The following PDE4D variants were observed in gnomAD, a reference collection of about 807,000 sequenced individuals.
The protein encoded by PDE4D is phosphodiesterase 4D, also known as 3',5'-cyclic-AMP phosphodiesterase 4D.
Under a neutral mutation model 87.4 loss-of-function variants are expected in PDE4D, and 24 were observed. The ratio of observed to expected loss-of-function variants is 0.27; its 90% CI spans 0.20 to 0.39. The LOEUF (loss-of-function observed/expected upper bound fraction) is 0.39. PDE4D is among the 10% of genes least tolerant of loss of function. PDE4D has a pLI of 1.00. For synonymous variants in PDE4D, 384 were observed against 383.2 expected, an observed-to-expected ratio of 1.00 and a Z score of -0.02; for missense variants, 714 against 1,041.0, an observed-to-expected ratio of 0.69 and a Z score of 4.32.
chr5:60,407,151 GGGT>G lies in PDE4D; in HGVS notation c.-90+80788_-90+80790del, dbSNP rs1365756646. Among the ~76,000 whole-genome samples, 5 of 152,288 alleles carry G rather than the reference GGGT, an allele frequency of 3.3e-5. No homozygotes were observed. The East Asian group carries it at 9.7e-4, about 29-fold the overall frequency. On this transcript the variant is annotated intron_variant, in intron 1 of 16. Coordinates refer to the PDE4D transcript ENST00000502484. Reference sequence around the variant, plus strand: ...GATGAGGAGCTGCTTGGTGACAAGAGGGTCGTTGAGTACCTGAGAGTACCTTTA... The same window carrying G: ...GATGAGGAGCTGCTTGGTGACAAGAGCGTTGAGTACCTGAGAGTACCTTTA...
chr5:59,832,688 C>T (rs758881263), intron 1 of PDE4D, among the ~76,000 whole-genome samples: 5 of 152,026 alleles, frequency 3.3e-5, no homozygotes, highest in Non-Finnish European at 2.9e-5. Flanking sequence ...AAGGCAACTT[C>T]TAATCTCATT....
chr5:59,566,581 TGTGA>T (rs1240917372), intron 1 of PDE4D, among the ~76,000 whole-genome samples: 30 of 145,284 alleles, frequency 2.1e-4, no homozygotes, highest in African/African-American at 7.5e-4. Flanking sequence ...TGTGTGTGTG[TGTGA>T]GAGAATGAGA....
chr5:59,407,460 G>A (rs1582441164), intron 1 of PDE4D, among the ~76,000 whole-genome samples: 1 of 152,132 alleles, frequency 6.6e-6, no homozygotes, highest in East Asian at 1.9e-4. Flanking sequence ...TAGAAGACTG[G>A]TACCAAGGAG....
intron 1 of PDE4D, among the ~76,000 whole-genome samples, chr5:59,696,612 GTTATAC>G (rs1318480978): frequency 1.2e-4 from 19 of 152,276 alleles, no homozygotes; most frequent in African/African-American, 3.6e-4. Flanking sequence ...AATGATCTGA[GTTATAC>G]TTTAACACAT....
At chr5:60,170,505 A>C (rs964460148) in intron 2 of PDE4D, among the ~76,000 whole-genome samples, 1 of 152,026 alleles carries the variant, frequency 6.6e-6, no homozygotes, top group Non-Finnish European at 1.5e-5. Context: ...AATAATAATA[A>C]TAACACAGCC....
At chr5:59,768,575 C>G in intron 1 of PDE4D, 1 of 1,579,836 alleles carries the variant, frequency 6.3e-7, no homozygotes, top group Non-Finnish European at 8.6e-7. Context: ...CTCACGGTCC[C>G]GGAAATGTCC....
intron 1 of PDE4D, among the ~76,000 whole-genome samples, chr5:60,243,937 C>T (rs1747415487): frequency 6.6e-6 from 1 of 151,844 alleles, no homozygotes; most frequent in Non-Finnish European, 1.5e-5. Context: ...CAGCATGGTA[C>T]TGAAAGTCCT....
At chr5:60,010,364 T>C (rs1764911206) in intron 2 of PDE4D, among the ~76,000 whole-genome samples, 1 of 152,304 alleles carries the variant, frequency 6.6e-6, no homozygotes, top group East Asian at 1.9e-4. Flanking sequence ...TGAAACATGT[T>C]TCTCTAATGC....
rs1561879282 is a variant in PDE4D at position 59,933,792 on chromosome 5, T to TATATATATATATATATA, written c.272+54695_272+54696insTATATATATATATATAT. On this transcript the variant is annotated intron_variant, in intron 3 of 16. Transcript: ENST00000502484. ...AGGAGATATATATATATATATATAT[T>TATATATATATATATATA]AATAAGCATTCATATAAAAGATAAT... is the stretch of plus-strand genomic sequence containing the variant. 3.1e-3 allele frequency among the ~76,000 whole-genome samples: 312 copies of TATATATATATATATATA among 99,352 alleles called. 2 individuals are homozygous for TATATATATATATATATA. Among genetic ancestry groups the TATATATATATATATATA allele is most frequent in the African/African-American group, 0.014 (296 of 20,478 alleles). 65.2% of individuals were successfully genotyped at this position (99,352 alleles called of 152,430 possible). A position where few individuals can be genotyped will look rare whatever the true frequency, so the allele number is the denominator to read the frequency against.
chr5:59,520,181 T>C (rs1269654857), intron 1 of PDE4D, among the ~76,000 whole-genome samples: 3 of 152,154 alleles, frequency 2.0e-5, no homozygotes, highest in Non-Finnish European at 4.4e-5. Context: ...GAGAATTGCT[T>C]GAACCTGGGA....
intron 1 of PDE4D, among the ~76,000 whole-genome samples, chr5:59,735,057 C>G (rs1757893261): frequency 6.6e-6 from 1 of 152,076 alleles, no homozygotes; most frequent in Admixed American, 6.6e-5. Context: ...TCAGATTTAT[C>G]TATTGCCCAT....
chr5:59,924,850 G>C (rs567396694), intron 3 of PDE4D, among the ~76,000 whole-genome samples: 1 of 152,190 alleles, frequency 6.6e-6, no homozygotes, highest in South Asian at 2.1e-4. Flanking sequence ...CTAATATCTT[G>C]AGTAGAAAGA....
intron 1 of PDE4D, among the ~76,000 whole-genome samples, chr5:59,333,824 T>G (rs1159825362): frequency 1.3e-5 from 2 of 152,128 alleles, no homozygotes; most frequent in African/African-American, 4.8e-5. Context: ...TAATTTATCT[T>G]TAATTTTCAT....
intron 1 of PDE4D, among the ~76,000 whole-genome samples, chr5:60,197,065 A>T (rs79679438): frequency 2.8e-4 from 29 of 104,044 alleles, no homozygotes; most frequent in African/African-American, 8.9e-4. Context: ...AGATAGATAG[A>T]TAGATAGACA....
At chr5:59,011,809 C>T (rs1374103391) in intron 6 of PDE4D, among the ~76,000 whole-genome samples, 1 of 152,030 alleles carries the variant, frequency 6.6e-6, no homozygotes, top group Non-Finnish European at 1.5e-5. Flanking sequence ...GAGAATGCCA[C>T]GAAGATACTC....
chr5:60,160,421 G>A (rs1782369843), intron 2 of PDE4D, among the ~76,000 whole-genome samples: 1 of 151,920 alleles, frequency 6.6e-6, no homozygotes, highest in African/African-American at 2.4e-5. Context: ...AACTTGCTGG[G>A]AATCCAGAAT....
intron 1 of PDE4D, among the ~76,000 whole-genome samples, chr5:60,339,489 G>A (rs895456663): frequency 3.9e-5 from 6 of 152,042 alleles, no homozygotes; most frequent in South Asian, 2.1e-4. Context: ...TAAAACTTAC[G>A]AATTGTGTAT....
intron 1 of PDE4D, among the ~76,000 whole-genome samples, chr5:59,870,765 T>G (rs1581515470): frequency 6.6e-6 from 1 of 151,516 alleles, no homozygotes; most frequent in African/African-American, 2.4e-5. Flanking sequence ...TACTGAAATG[T>G]ACATTTCAGA....
chr5:60,142,768 T>C (rs1448873545), intron 2 of PDE4D, among the ~76,000 whole-genome samples: 3 of 151,962 alleles, frequency 2.0e-5, no homozygotes, highest in African/African-American at 7.3e-5. Context: ...TGAAGATGAG[T>C]GAAAAACATG....
Sources: allele counts gnomAD v4.1 joint callset (sites outside exome capture counted in the v4.1 genomes callset), GRCh38; gene constraint gnomAD v4.1.1; transcripts MANE v1.5; gene names NCBI Gene and HGNC (gene_info 2026-07-23, HGNC 2026-07-21).